The following ONECUT2 variants were observed in gnomAD, a reference collection of about 807,000 sequenced individuals.
ONECUT2 encodes the protein one cut homeobox 2.
In ONECUT2, 10 loss-of-function variants were observed where a neutral mutation model predicts 27.9. That is an observed-to-expected ratio of 0.36 (90% CI 0.22 to 0.61). ONECUT2 has a LOEUF of 0.61. Ranked by LOEUF, ONECUT2 falls within the 20% of genes least tolerant of loss-of-function variation. ONECUT2 has a pLI of 0.73. For synonymous variants in ONECUT2, 334 were observed against 315.1 expected, an observed-to-expected ratio of 1.06 and a Z score of -0.64; for missense variants, 686 against 721.0, an observed-to-expected ratio of 0.95 and a Z score of 0.56.
At chr18:57,465,896 A>G (rs1391536908) in intron 1 of ONECUT2, among the ~76,000 whole-genome samples, 1 of 152,178 alleles carries the variant, frequency 6.6e-6, no homozygotes, top group Non-Finnish European at 1.5e-5. Context: ...GCCCTGCTGA[A>G]CTGATGTGCA....
intron 1 of ONECUT2, among the ~76,000 whole-genome samples, chr18:57,459,400 A>T (rs1038217251): frequency 6.6e-6 from 1 of 152,216 alleles, no homozygotes; most frequent in Non-Finnish European, 1.5e-5. Flanking sequence ...ATAAATATCT[A>T]TGTGCCCAAC....
rs1353104549 is a variant in ONECUT2 at position 57,481,816 on chromosome 18, G to T, written c.*5093G>T. 1 of 152,180 alleles carries T rather than the reference G, an allele frequency of 6.6e-6. No homozygotes were observed. 9.4% of individuals were successfully genotyped at this position (152,180 alleles called of 1,614,324 possible). On this transcript the variant is annotated 3_prime_UTR_variant, in exon 2 of 2. Coordinates refer to ENST00000491143, the MANE Select transcript of ONECUT2 (RefSeq NM_004852.3). ...AGTGGAGAAAAAGATAATACATGTG[G>T]TCAAGGTTGACCACAAGGCCCAGGC...
intron 1 of ONECUT2, among the ~76,000 whole-genome samples, chr18:57,439,160 T>C (rs905068035): frequency 6.6e-6 from 1 of 152,242 alleles, no homozygotes; most frequent in South Asian, 2.1e-4. Context: ...GCTTCGCCTA[T>C]TAGCGAGTTT....
rs190326993 is a variant in ONECUT2 at position 57,462,546 on chromosome 18, G to T, written c.1229-13891G>T. ...GACTACTATAGGCATGCACCACCAC[G>T]CTGGCTAACTTCTTAAAATTGTTTT... On this transcript the variant is annotated intron_variant, in intron 1 of 1. Transcript: ENST00000491143. Among the ~76,000 whole-genome samples the T allele has an allele frequency of 2.0e-5, 3 of 151,806 alleles. No individual in the cohort carries two copies. The East Asian group carries it at 5.8e-4, about 29-fold the overall frequency.
intron 1 of ONECUT2, among the ~76,000 whole-genome samples, chr18:57,461,205 T>C (rs953896131): frequency 2.0e-5 from 3 of 152,186 alleles, no homozygotes; most frequent in South Asian, 4.1e-4. Flanking sequence ...ATATGTGTAT[T>C]CCTTTGTGTC....
intron 1 of ONECUT2, among the ~76,000 whole-genome samples, chr18:57,462,310 C>T (rs1421690657): frequency 6.6e-6 from 1 of 152,118 alleles, no homozygotes; most frequent in African/African-American, 2.4e-5. Context: ...GGATTCAGGC[C>T]CTGTGGCAGA....
rs756532406 is a variant in ONECUT2 at position 57,436,122 on chromosome 18, G to T, written c.406G>T (p.Asp136Tyr). The T allele has an allele frequency of 1.9e-6, 3 of 1,601,904 alleles. No individual in the cohort carries two copies. The highest frequency in any genetic ancestry group is 1.1e-5 in the South Asian group (1 of 91,060). ...PLHHAMSMSC[D>Y]SSPPGMGMSN... ...GCACCACGCCATGAGCATGTCCTGC[G>T]ACTCGTCTCCGCCTGGCATGGGCAT... The change falls in exon 1 of 2, where the codon GAC becomes TAC. Residue 136 changes from aspartate (D) to tyrosine (Y), a missense_variant. Physicochemically the swap from Asp to Tyr is radical, Grantham distance 160. Transcript: ENST00000491143. The surrounding 1 kb of genome is among the most constrained non-coding windows in gnomAD (Gnocchi z 5.9).
At chr18:57,449,969 A>G (rs1256983729) in intron 1 of ONECUT2, among the ~76,000 whole-genome samples, 1 of 152,040 alleles carries the variant, frequency 6.6e-6, no homozygotes, top group Non-Finnish European at 1.5e-5. Context: ...ATGGCTCTGG[A>G]GGGGAGATAG....
chr18:57,464,789 G>A (rs993101354), intron 1 of ONECUT2, among the ~76,000 whole-genome samples: 2 of 152,224 alleles, frequency 1.3e-5, no homozygotes, highest in Non-Finnish European at 2.9e-5. Flanking sequence ...ATGTTTGGAA[G>A]GAGCTCAGGG....
intron 1 of ONECUT2, among the ~76,000 whole-genome samples, chr18:57,465,964 G>A (rs1268388919): frequency 2.0e-5 from 3 of 152,120 alleles, no homozygotes; most frequent in Non-Finnish European, 4.4e-5. Context: ...GAATACACAC[G>A]ACAACCCCCG....
At chr18:57,456,431 T>C (rs1440200013) in intron 1 of ONECUT2, among the ~76,000 whole-genome samples, 2 of 152,216 alleles carry the variant, frequency 1.3e-5, no homozygotes, top group Non-Finnish European at 2.9e-5. Context: ...ATCTGACATA[T>C]ACTATGGTCT....
In ONECUT2 at chr18:57,485,263, C is replaced by T. The variant is rs1166762774; in HGVS notation, c.*8540C>T. On this transcript the variant is annotated 3_prime_UTR_variant, in exon 2 of 2. Coordinates refer to ENST00000491143, the MANE Select transcript of ONECUT2 (RefSeq NM_004852.3). ...GACATTTAAGCTCTTCAGCCTTTTC[C>T]TTTTTAGTTGTAGGTGTTTACATTT... 2.0e-5 allele frequency: 3 copies of T among 152,134 alleles called. No individual in the cohort carries two copies. Among genetic ancestry groups the T allele is most frequent in the Admixed American group, 1.3e-4 (2 of 15,272 alleles). 9.4% of individuals were successfully genotyped at this position (152,134 alleles called of 1,614,324 possible). A position where few individuals can be genotyped will look rare whatever the true frequency, so the allele number is the denominator to read the frequency against.
intron 1 of ONECUT2, among the ~76,000 whole-genome samples, chr18:57,447,872 G>C (rs1299625815): frequency 6.6e-6 from 1 of 152,200 alleles, no homozygotes; most frequent in African/African-American, 2.4e-5. Context: ...TTGATTTCTT[G>C]AGAGTCTAGT....
intron 1 of ONECUT2, among the ~76,000 whole-genome samples, chr18:57,461,512 A>G (rs945337660): frequency 1.3e-5 from 2 of 152,218 alleles, no homozygotes; most frequent in Admixed American, 1.3e-4. Context: ...TGGGTAGTTT[A>G]TTTGAAAGGT....
intron 1 of ONECUT2, among the ~76,000 whole-genome samples, chr18:57,448,014 A>G (rs897661536): frequency 6.6e-6 from 1 of 152,164 alleles, no homozygotes; most frequent in African/African-American, 2.4e-5. Context: ...GTGAGAACTG[A>G]CAGTAGGCAC....
chr18:57,450,917 T>G (rs551268998), intron 1 of ONECUT2, among the ~76,000 whole-genome samples: 1 of 152,354 alleles, frequency 6.6e-6, no homozygotes, highest in Admixed American at 6.5e-5. Context: ...GCCTACACTG[T>G]ACTGAACTAA....
Position 57,456,157 on chromosome 18 carries a change from C to T in ONECUT2, c.1228+19213C>T, listed in dbSNP as rs1270486581. Among the ~76,000 whole-genome samples, 8 of 152,182 alleles carry T rather than the reference C, an allele frequency of 5.3e-5. No individual in the cohort carries two copies. The East Asian group carries it at 1.5e-3, about 29-fold the overall frequency. On this transcript the variant is annotated intron_variant, in intron 1 of 1. Coordinates refer to ENST00000491143, the MANE Select transcript of ONECUT2 (RefSeq NM_004852.3). ...TGGTGGGACTGTAAGATGGTGTAGC[C>T]ACTGTGGAAATAGTATGGCAGTTCC...
chr18:57,447,820 A>G (rs2050209080), intron 1 of ONECUT2, among the ~76,000 whole-genome samples: 1 of 152,226 alleles, frequency 6.6e-6, no homozygotes, highest in Non-Finnish European at 1.5e-5. Context: ...AGGAGAACCA[A>G]CTGTGGAGCA....
chr18:57,448,624 T>C (rs998586762), intron 1 of ONECUT2, among the ~76,000 whole-genome samples: 2 of 152,232 alleles, frequency 1.3e-5, no homozygotes, highest in Non-Finnish European at 2.9e-5. Context: ...GGTTCCACTG[T>C]CAAAACCTTT....
Sources: allele counts gnomAD v4.1 joint callset (sites outside exome capture counted in the v4.1 genomes callset), GRCh38; gene constraint gnomAD v4.1.1; non-coding constraint Gnocchi (gnomAD v3.1); transcripts MANE v1.5; gene names NCBI Gene and HGNC (gene_info 2026-07-23, HGNC 2026-07-21).